Variants in PTPRN2 observed in about 807,000 individuals in gnomAD.
PTPRN2 encodes the protein protein tyrosine phosphatase receptor type N2, also known as receptor-type tyrosine-protein phosphatase N2.
Under a neutral mutation model 118.8 loss-of-function variants are expected in PTPRN2, and 74 were observed. That is an observed-to-expected ratio of 0.62 (90% CI 0.52 to 0.76). PTPRN2 has a LOEUF of 0.76. Among genes scored for constraint, PTPRN2 ranks in the 30% least tolerant of loss-of-function variants. PTPRN2 has a pLI of 0.00. For missense variants in PTPRN2, 1,481 were observed against 1,394.4 expected (o/e 1.06, Z -0.99); for synonymous variants, 641 against 608.0 (o/e 1.05, Z -0.80).
At chr7:158,061,336 C>T (rs1386182512) in intron 11 of PTPRN2, among the ~76,000 whole-genome samples, 1 of 152,236 alleles carries the variant, frequency 6.6e-6, no homozygotes, top group Non-Finnish European at 1.5e-5. Flanking sequence ...AAGCCACAGG[C>T]ACAGTCCCCA....
intron 9 of PTPRN2, among the ~76,000 whole-genome samples, chr7:158,126,773 G>A (rs956624419): frequency 6.6e-6 from 1 of 152,190 alleles, no homozygotes; most frequent in Admixed American, 6.5e-5. Flanking sequence ...ACAGTGAGCC[G>A]AGGAAGGGGC....
chr7:157,674,186 C>T lies in PTPRN2; in HGVS notation c.2001+8539G>A, dbSNP rs555024870. Among the ~76,000 whole-genome samples the T allele has an allele frequency of 3.9e-5, 6 of 152,018 alleles. No individual in the cohort carries two copies. The highest frequency in any genetic ancestry group is 1.9e-4 in the East Asian group (1 of 5,152). Reference sequence around the variant, plus strand: ...CACAGCAGGGGAGGGAAGGAGGAGGCGGGGCTCACAGAGCAGAGAGCCATG... The same window carrying T: ...CACAGCAGGGGAGGGAAGGAGGAGGTGGGGCTCACAGAGCAGAGAGCCATG... On this transcript the variant is annotated intron_variant, in intron 13 of 22. Coordinates refer to ENST00000389418, the MANE Select transcript of PTPRN2 (RefSeq NM_002847.5). The surrounding 1 kb of genome is among the most constrained non-coding windows in gnomAD (Gnocchi z 4.5).
At position 157,603,799 on chromosome 7, in the gene PTPRN2, G is replaced by T. The variant is rs1010157755; in HGVS notation, c.2418+203C>A. 2.6e-5 allele frequency among the ~76,000 whole-genome samples: 4 copies of T among 152,272 alleles called. No individual in the cohort carries two copies. The highest frequency in any genetic ancestry group is 7.2e-5 in the African/African-American group (3 of 41,560). On this transcript the variant is annotated intron_variant, in intron 16 of 22. Transcript: ENST00000389418. This position sits in a 1 kb window ranked among gnomAD's most constrained non-coding sequence, Gnocchi z 5.4. ...GGAACCCACCGCCCAGCGTGAGCCGGGACCCACACGGCTCATAAACAGCCC... is the reference window on the plus strand; with the variant it reads ...GGAACCCACCGCCCAGCGTGAGCCGTGACCCACACGGCTCATAAACAGCCC...
chr7:158,398,036 A>G (rs60791075), intron 2 of PTPRN2, among the ~76,000 whole-genome samples: 3,955 of 152,266 alleles, frequency 0.026, 71 homozygotes, highest in Middle Eastern at 0.061. Context: ...TGAGGCTGGG[A>G]AAATTTGCAG....
intron 3 of PTPRN2, among the ~76,000 whole-genome samples, chr7:158,279,888 C>T (rs1005816590): frequency 3.9e-5 from 6 of 152,160 alleles, no homozygotes; most frequent in Non-Finnish European, 8.8e-5. Flanking sequence ...TATCACCTCT[C>T]AATGTGGACT....
intron 12 of PTPRN2, among the ~76,000 whole-genome samples, chr7:157,850,276 A>T (rs73165868): frequency 7.5e-6 from 1 of 133,008 alleles, no homozygotes; most frequent in Non-Finnish European, 1.6e-5. Flanking sequence ...AATTTCCGAC[A>T]TGGGGTGCCT....
chr7:157,731,794 GCA>G (rs372044207), intron 12 of PTPRN2, among the ~76,000 whole-genome samples: 475 of 107,904 alleles, frequency 4.4e-3, no homozygotes, highest in African/African-American at 0.018. Flanking sequence ...CATGCGCCCA[GCA>G]CAGTTACCCT....
chr7:157,991,523 G>A (rs920457503), intron 11 of PTPRN2, among the ~76,000 whole-genome samples: 2 of 152,216 alleles, frequency 1.3e-5, no homozygotes, highest in Non-Finnish European at 2.9e-5. Flanking sequence ...TGCCCGTGCA[G>A]GGCACAGAAA....
intron 13 of PTPRN2, among the ~76,000 whole-genome samples, chr7:157,678,111 C>T (rs754191361): frequency 3.3e-5 from 5 of 152,298 alleles, no homozygotes; most frequent in South Asian, 2.1e-4. Context: ...AACAAATGAT[C>T]TTTAATGTTG....
chr7:158,073,550 G>T (rs1201156803), intron 11 of PTPRN2, among the ~76,000 whole-genome samples: 1 of 152,188 alleles, frequency 6.6e-6, no homozygotes, highest in East Asian at 1.9e-4. Flanking sequence ...TTCTGCTCCG[G>T]TATAAAGACA....
At chr7:157,719,407 G>T (rs1799112732) in intron 12 of PTPRN2, among the ~76,000 whole-genome samples, 2 of 152,254 alleles carry the variant, frequency 1.3e-5, no homozygotes, top group African/African-American at 4.8e-5. Flanking sequence ...CAAGGCCACA[G>T]CACTGCCGTC....
chr7:158,432,292 G>A (rs556575201), intron 2 of PTPRN2, among the ~76,000 whole-genome samples: 112 of 152,344 alleles, frequency 7.4e-4, no homozygotes, highest in African/African-American at 2.6e-3. Flanking sequence ...AGCACCGGGC[G>A]CTCCAGGATC....
Position 158,055,920 on chromosome 7 carries a change from C to T in PTPRN2, c.1723+25378G>A, listed in dbSNP as rs559193350. Among the ~76,000 whole-genome samples the T allele has an allele frequency of 1.4e-3, 210 of 152,212 alleles. 2 individuals carry two copies. The highest frequency in any genetic ancestry group is 4.4e-3 in the African/African-American group (183 of 41,528). ...TTCTATGATCTCTCGTCTCCACACA[C>T]GGGGAGAAAAACCCACTGACCCTGT... On this transcript the variant is annotated intron_variant, in intron 11 of 22. Transcript: ENST00000389418.
intron 1 of PTPRN2, among the ~76,000 whole-genome samples, chr7:158,543,989 A>G (rs770042958): frequency 6.6e-6 from 1 of 152,220 alleles, no homozygotes; most frequent in Non-Finnish European, 1.5e-5. Flanking sequence ...TCCAAAAACC[A>G]GGGCAGCCCC....
chr7:158,249,557 C>A (rs1585980867), intron 3 of PTPRN2, among the ~76,000 whole-genome samples: 1 of 150,914 alleles, frequency 6.6e-6, no homozygotes, highest in African/African-American at 2.4e-5. Flanking sequence ...ATCTACCACA[C>A]CTGCACACAC....
At chr7:158,413,110 C>A (rs1214976946) in intron 2 of PTPRN2, among the ~76,000 whole-genome samples, 1 of 151,442 alleles carries the variant, frequency 6.6e-6, no homozygotes, top group Non-Finnish European at 1.5e-5. Flanking sequence ...CCATCCAGCA[C>A]CCTCCTCAGC....
At chr7:157,679,399 T>C (rs1344099066) in intron 13 of PTPRN2, among the ~76,000 whole-genome samples, 2 of 152,060 alleles carry the variant, frequency 1.3e-5, no homozygotes, top group Non-Finnish European at 2.9e-5. Flanking sequence ...TCTGATGGGG[T>C]TGATATCCTG....
chr7:158,010,182 C>T lies in PTPRN2; in HGVS notation c.1723+71116G>A, dbSNP rs1007829757. Among the ~76,000 whole-genome samples the T allele has an allele frequency of 3.9e-5, 6 of 152,140 alleles. No homozygotes were observed. The East Asian group carries it at 5.8e-4, about 15-fold the overall frequency. The stretch of plus-strand genomic sequence containing the variant: ...CTCAGCACAAGGTAAAGCCTCAACA[C>T]GGGAGGACGGAGTTCATTTTCCTCC... On this transcript the variant is annotated intron_variant, in intron 11 of 22. Coordinates refer to ENST00000389418, the MANE Select transcript of PTPRN2 (RefSeq NM_002847.5).
rs140061847 is a variant in PTPRN2, at chr7:158,110,541, T to C, written c.1643+288A>G. ...CTCCAGAGGCTCCCACACATTGGCA[T>C]AGGACATGTGCAGAATGTTCTAGAG... On this transcript the variant is annotated intron_variant, in intron 10 of 22. Transcript: ENST00000389418. 4.2e-3 allele frequency among the ~76,000 whole-genome samples: 639 copies of C among 152,292 alleles called. 4 individuals are homozygous for C. Among genetic ancestry groups the C allele is most frequent in the Non-Finnish European group, 6.3e-3 (426 of 68,016 alleles).
Sources: allele counts gnomAD v4.1 joint callset (sites outside exome capture counted in the v4.1 genomes callset), GRCh38; gene constraint gnomAD v4.1.1; non-coding constraint Gnocchi (gnomAD v3.1); transcripts MANE v1.5; gene names NCBI Gene and HGNC (gene_info 2026-07-23, HGNC 2026-07-21).